CXCL13: variants seen among roughly 807,000 people sequenced by gnomAD.
The protein encoded by CXCL13 is C-X-C motif chemokine 13.
Under a neutral mutation model 12.2 loss-of-function variants are expected in CXCL13, and 7 were observed. That is an observed-to-expected ratio of 0.57 (90% CI 0.33 to 1.07). The LOEUF (loss-of-function observed/expected upper bound fraction) is 1.07, where lower values mean the gene tolerates loss of function less well. Ranked by LOEUF, CXCL13 falls within the 50% of genes least tolerant of loss-of-function variation. The probability of loss-of-function intolerance (pLI) is 0.04; values close to 1 mark genes in which losing one functional copy is unlikely to be tolerated. For missense variants in CXCL13, 113 were observed against 127.4 expected (o/e 0.89, Z 0.55); for synonymous variants, 47 against 42.4 (o/e 1.11, Z -0.42).
intron 1 of CXCL13, among the ~76,000 whole-genome samples, chr4:77,522,859 T>C (rs1279485709): frequency 6.6e-6 from 1 of 152,170 alleles, no homozygotes; most frequent in Non-Finnish European, 1.5e-5. Context: ...GTTGTTTCTT[T>C]ACATGTTTAG....
chr4:77,565,312 C>T (rs1386527166), intron 1 of CXCL13, among the ~76,000 whole-genome samples: 1 of 152,200 alleles, frequency 6.6e-6, no homozygotes, highest in Non-Finnish European at 1.5e-5. Flanking sequence ...TCACAGGGCT[C>T]TTGCACACAC....
At chr4:77,540,637 A>G (rs1444424038) in intron 1 of CXCL13, among the ~76,000 whole-genome samples, 4 of 152,278 alleles carry the variant, frequency 2.6e-5, no homozygotes, top group East Asian at 3.9e-4. Context: ...TCTATGGTGT[A>G]TATATACCAT....
chr4:77,540,556 A>T (rs1394912551), intron 1 of CXCL13, among the ~76,000 whole-genome samples: 1 of 152,128 alleles, frequency 6.6e-6, no homozygotes, highest in Non-Finnish European at 1.5e-5. Flanking sequence ...TCTACTTAGG[A>T]TAATGGCCTC....
In CXCL13 at chr4:77,543,118, C is replaced by T. The variant is rs540119279; in HGVS notation, c.-43+31330C>T. Among the ~76,000 whole-genome samples, 10 of 152,206 alleles carry T rather than the reference C, an allele frequency of 6.6e-5. No homozygotes were observed. In the East Asian group the frequency reaches 9.7e-4, roughly 15 times the overall value. On this transcript the variant is annotated intron_variant, in intron 1 of 4. Transcript: ENST00000286758. ...GATTGTGTGTTTCTGGGAATTTACACATTTCTTCCATATTTTCTAGTCTGT... is the reference window on the plus strand; with the variant it reads ...GATTGTGTGTTTCTGGGAATTTACATATTTCTTCCATATTTTCTAGTCTGT...
intron 1 of CXCL13, among the ~76,000 whole-genome samples, chr4:77,551,532 C>T (rs1384860974): frequency 1.3e-5 from 2 of 152,092 alleles, no homozygotes; most frequent in African/African-American, 4.8e-5. Flanking sequence ...CTCTAGCTGC[C>T]TTTAAGTCTT....
At chr4:77,584,783 A>G (rs928956872) in intron 1 of CXCL13, among the ~76,000 whole-genome samples, 1 of 152,214 alleles carries the variant, frequency 6.6e-6, no homozygotes, top group South Asian at 2.1e-4. Context: ...TCTGCCCCTC[A>G]GGCGAGTGCT....
chr4:77,588,199 T>TC (rs1185077677), intron 1 of CXCL13, among the ~76,000 whole-genome samples: 1 of 152,136 alleles, frequency 6.6e-6, no homozygotes, highest in Non-Finnish European at 1.5e-5. Flanking sequence ...TGGAGGGCCA[T>TC]CCCCCCGTTC....
At chr4:77,523,542 C>T (rs945419108) in intron 1 of CXCL13, among the ~76,000 whole-genome samples, 1 of 152,196 alleles carries the variant, frequency 6.6e-6, no homozygotes, top group Admixed American at 6.5e-5. Flanking sequence ...AGTTCTCGTG[C>T]CATGGTTTTC....
intron 1 of CXCL13, among the ~76,000 whole-genome samples, chr4:77,547,884 C>A (rs1197494079): frequency 6.6e-6 from 1 of 152,024 alleles, no homozygotes; most frequent in Non-Finnish European, 1.5e-5. Flanking sequence ...TTTTTCCTTT[C>A]CATGGTTAGT....
intron 1 of CXCL13, among the ~76,000 whole-genome samples, chr4:77,580,567 C>T (rs183713317): frequency 7.1e-4 from 108 of 151,810 alleles, no homozygotes; most frequent in African/African-American, 1.8e-3. Context: ...CCTCATGATC[C>T]GCCTCCATCA....
At chr4:77,546,615 C>A (rs1045810529) in intron 1 of CXCL13, among the ~76,000 whole-genome samples, 1 of 152,030 alleles carries the variant, frequency 6.6e-6, no homozygotes, top group Non-Finnish European at 1.5e-5. Context: ...ATTTTTATTG[C>A]ATCTATTTGA....
intron 1 of CXCL13, among the ~76,000 whole-genome samples, chr4:77,540,358 C>T (rs1725169967): frequency 2.0e-5 from 3 of 152,156 alleles, no homozygotes; most frequent in Admixed American, 2.0e-4. Flanking sequence ...TTGATCCCAT[C>T]ATGCAGGTAC....
chr4:77,526,786 G>C (rs1724776732), intron 1 of CXCL13, among the ~76,000 whole-genome samples: 1 of 152,144 alleles, frequency 6.6e-6, no homozygotes, highest in Non-Finnish European at 1.5e-5. Context: ...CACAGGACTG[G>C]CTTAGGGAGG....
At chr4:77,545,539 C>T (rs961428758) in intron 1 of CXCL13, among the ~76,000 whole-genome samples, 3 of 152,152 alleles carry the variant, frequency 2.0e-5, no homozygotes, top group South Asian at 4.1e-4. Flanking sequence ...CACGATTTGG[C>T]TCTCTGTTTG....
Position 77,556,213 on chromosome 4 carries a change from CAAAT to C in CXCL13, c.-43+44426_-43+44429del, listed in dbSNP as rs149953161. Among the ~76,000 whole-genome samples the C allele has an allele frequency of 4.5e-3, 681 of 152,218 alleles. 16 individuals are homozygous for C. The highest frequency in any genetic ancestry group is 0.028 in the East Asian group (143 of 5,182). ...TAGAAACAACCCAAATGTCCATAAA[CAAAT>C]GAATGGTTAAACAAATTGTGGTATA... is the stretch of plus-strand genomic sequence containing the variant. On this transcript the variant is annotated intron_variant, in intron 1 of 4. Transcript: ENST00000286758.
intron 1 of CXCL13, among the ~76,000 whole-genome samples, chr4:77,556,754 C>T (rs569152230): frequency 6.6e-6 from 1 of 152,092 alleles, no homozygotes; most frequent in East Asian, 1.9e-4. Flanking sequence ...AAATGGGAAA[C>T]AAGATTGGGC....
chr4:77,607,664 C>A (rs748964076), intron 1 of CXCL13, 39 bp from the exon 2 acceptor site: 28 of 1,564,840 alleles, frequency 1.8e-5, no homozygotes, highest in Admixed American at 5.6e-5. Flanking sequence ...GAATTACATG[C>A]CAATGGATTA....
intron 1 of CXCL13, among the ~76,000 whole-genome samples, chr4:77,563,932 A>G (rs1347400757): frequency 1.3e-5 from 2 of 152,316 alleles, no homozygotes; most frequent in Non-Finnish European, 2.9e-5. Context: ...TGTCTGTGGC[A>G]TAAAGTTTTT....
intron 1 of CXCL13, among the ~76,000 whole-genome samples, chr4:77,575,431 C>T (rs372194988): frequency 7.2e-5 from 11 of 151,894 alleles, no homozygotes; most frequent in Admixed American, 1.3e-4. Context: ...GTTCTCCTAA[C>T]GCTATCCCTC....
Sources: gnomAD v4.1 joint callset for allele counts (sites outside exome capture counted in the v4.1 genomes callset) on GRCh38, gnomAD v4.1.1 for gene constraint, MANE v1.5 for transcripts, NCBI Gene and HGNC (gene_info 2026-07-23, HGNC 2026-07-21) for gene names.